Variants in ARHGEF18 observed in about 807,000 individuals in gnomAD.
The protein encoded by ARHGEF18 is rho guanine nucleotide exchange factor 18.
Under a neutral mutation model 155.7 loss-of-function variants are expected in ARHGEF18, and 93 were observed. That is an observed-to-expected ratio of 0.60 (90% confidence interval 0.50 to 0.71). The LOEUF is 0.71. ARHGEF18 is among the 30% of genes least tolerant of loss of function. The probability of loss-of-function intolerance (pLI) is 0.00; values close to 1 mark genes in which losing one functional copy is unlikely to be tolerated. For missense variants in ARHGEF18, 1,593 were observed against 1,816.1 expected (o/e 0.88, Z 2.23); for synonymous variants, 742 against 753.1 (o/e 0.99, Z 0.24).
intron 1 of ARHGEF18, among the ~76,000 whole-genome samples, chr19:7,359,049 C>T (rs1182175820): frequency 6.6e-6 from 1 of 152,086 alleles, no homozygotes; most frequent in Admixed American, 6.6e-5. Flanking sequence ...AGACAGAGCC[C>T]TCAGTTGCCA....
intron 1 of ARHGEF18, among the ~76,000 whole-genome samples, chr19:7,358,247 A>ATTCT (rs1969400900): frequency 7.1e-6 from 1 of 141,524 alleles, no homozygotes; most frequent in African/African-American, 3.1e-5. Flanking sequence ...CCATCCACCC[A>ATTCT]TCCACCCATT....
downstream of ARHGEF18, chr19:7,473,260 C>A (rs1171290967): frequency 6.6e-6 from 3 of 456,042 alleles, no homozygotes; most frequent in African/African-American, 6.0e-5. Context: ...TAAAGTCGAT[C>A]ACTAGCTCAC....
At chr19:7,416,605 G>T (rs1444802152) in intron 10 of ARHGEF18, among the ~76,000 whole-genome samples, 46 of 90,452 alleles carry the variant, frequency 5.1e-4, no homozygotes, top group South Asian at 4.0e-4. Flanking sequence ...TTTTATTTGG[G>T]TTTTTTTTTT....
At chr19:7,474,943 G>A (rs944951920), downstream of ARHGEF18, among the ~76,000 whole-genome samples, 22 of 152,178 alleles carry the variant, frequency 1.4e-4, no homozygotes, top group African/African-American at 5.3e-4. Context: ...TGCAAAGAGG[G>A]CCTGTAGTGG....
intron 10 of ARHGEF18, among the ~76,000 whole-genome samples, chr19:7,386,201 G>C (rs1022102693): frequency 1.4e-5 from 2 of 139,142 alleles, no homozygotes; most frequent in Non-Finnish European, 1.6e-5. Flanking sequence ...TAACATTTTC[G>C]TTTGTTTGTA....
intron 10 of ARHGEF18, among the ~76,000 whole-genome samples, chr19:7,425,816 A>G (rs1198575385): frequency 6.6e-6 from 1 of 152,130 alleles, no homozygotes; most frequent in African/African-American, 2.4e-5. Context: ...CCTGGGCAAC[A>G]TAGCAACACC....
rs139891352 is a variant in ARHGEF18, at chr19:7,379,533, T to G, written c.644+367T>G. ...GAGACTGCACCATTGTACTCCAGCCTGGGCAACACAGTGAAACTCTGTCTC... is the reference window on the plus strand; with the variant it reads ...GAGACTGCACCATTGTACTCCAGCCGGGGCAACACAGTGAAACTCTGTCTC... On this transcript the variant is annotated intron_variant, in intron 7 of 28. Transcript: ENST00000668164. Among the ~76,000 whole-genome samples, 783 of 152,262 alleles carry G rather than the reference T, an allele frequency of 5.1e-3. 5 individuals are homozygous for G. Among genetic ancestry groups the G allele is most frequent in the African/African-American group, 0.016 (670 of 41,546 alleles).
chr19:7,410,809 CAAA>C (rs58022667), intron 10 of ARHGEF18, among the ~76,000 whole-genome samples: 5 of 82,302 alleles, frequency 6.1e-5, no homozygotes, highest in East Asian at 4.5e-4. Flanking sequence ...GACTCCATCT[CAAA>C]AAAAAAAAAA....
intron 10 of ARHGEF18, among the ~76,000 whole-genome samples, chr19:7,388,121 G>A (rs79076630): frequency 0.015 from 2,279 of 152,186 alleles, 43 homozygotes; most frequent in Non-Finnish European, 0.024. Flanking sequence ...TGAGCAATGA[G>A]AGTTCCAACA....
At position 7,445,830 on chromosome 19, in the gene ARHGEF18, C is replaced by T. The variant is rs561341989; in HGVS notation, c.1612-1213C>T. On this transcript the variant is annotated intron_variant, in intron 14 of 28. Coordinates refer to ENST00000668164, the MANE Select transcript of ARHGEF18 (RefSeq NM_001367823.1). ...TAGAGACAGGGTTTCACCATGTTGG[C>T]CAGGCTGGTCTTGAACTCTTGACCT... Among the ~76,000 whole-genome samples the T allele has an allele frequency of 1.1e-3, 169 of 152,102 alleles. 1 individual carries two copies. Among genetic ancestry groups the T allele is most frequent in the African/African-American group, 4.0e-3 (165 of 41,516 alleles).
In ARHGEF18 at chr19:7,470,719, G is replaced by A. The variant is rs560755547; in HGVS notation, c.*421G>A. ...TTGCTTTGAGAAGGAGCTGCCGGCC[G>A]GGGCCACGCTCCACAGCCGCCGCGC... On this transcript the variant is annotated 3_prime_UTR_variant, in exon 29 of 29. Transcript: ENST00000668164. This position sits in a 1 kb window ranked among gnomAD's most constrained non-coding sequence, Gnocchi z 5.9. 19 of 400,316 alleles carry A rather than the reference G, an allele frequency of 4.7e-5. No homozygotes were observed. The highest frequency in any genetic ancestry group is 2.5e-4 in the African/African-American group (12 of 48,778). The allele number at this position is 400,316 out of a possible 1,614,324, so 24.8% of individuals were successfully genotyped here.
intron 19 of ARHGEF18, among the ~76,000 whole-genome samples, chr19:7,459,114 G>A (rs780487093): frequency 8.6e-5 from 13 of 151,682 alleles, no homozygotes; most frequent in Non-Finnish European, 1.3e-4. Context: ...ATGCAATCTC[G>A]GCTCACTGCA....
chr19:7,467,271 C>G lies in ARHGEF18; in HGVS notation c.3067C>G (p.Arg1023Gly), dbSNP rs1389760194. ...GACGCAGCGGGCTGCCATCCAGGAG[C>G]GGGAGAAGCAGTTCCGGCTGCAGTC... Reference protein sequence around the residue: ...VETQRAAIQEREKQFRLQSTR... With the variant: ...VETQRAAIQEGEKQFRLQSTR... The change falls in exon 26 of 29, where the codon CGG (arginine) becomes GGG (glycine). Residue 1023 changes from arginine to glycine, a missense_variant. By Grantham distance (125) the Arg-to-Gly change is moderately radical. Transcript: ENST00000668164. 6.4e-7 allele frequency: 1 copy of G among 1,558,300 alleles called. No homozygotes were observed. The highest frequency in any genetic ancestry group is 8.7e-7 in the Non-Finnish European group (1 of 1,154,350).
At chr19:7,477,714 CAG>C in the ARHGEF18 span, among the ~76,000 whole-genome samples, 2 of 152,326 alleles carry the variant, frequency 1.3e-5, no homozygotes, top group South Asian at 4.1e-4. Context: ...TTGTGAAAAA[CAG>C]AAAGCACAAA....
chr19:7,446,850 C>G (rs189958289), intron 14 of ARHGEF18, among the ~76,000 whole-genome samples, 193 bp from the exon 15 acceptor site: 1 of 148,900 alleles, frequency 6.7e-6, no homozygotes, highest in East Asian at 2.0e-4. Context: ...GAGCCAAGAT[C>G]GCGCCATTGC....
At chr19:7,358,257 T>TCCACC (rs1568261601) in intron 1 of ARHGEF18, among the ~76,000 whole-genome samples, 4 of 24,662 alleles carry the variant, frequency 1.6e-4, no homozygotes, top group Non-Finnish European at 2.3e-4. Context: ...ATCCACCCAT[T>TCCACC]CTTCCATCCA....
intron 2 of ARHGEF18, among the ~76,000 whole-genome samples, chr19:7,367,840 T>TACATATATATA (rs71177201): frequency 2.9e-5 from 1 of 34,408 alleles, no homozygotes; most frequent in African/African-American, 9.4e-5. Flanking sequence ...CATATATATA[T>TACATATATATA]TTTATATATA....
intron 1 of ARHGEF18, among the ~76,000 whole-genome samples, chr19:7,351,310 T>TTTGTTTGA (rs1423399430): frequency 8.1e-6 from 1 of 123,914 alleles, no homozygotes; most frequent in East Asian, 2.2e-4. Context: ...ACTTCTTTTG[T>TTTGTTTGA]TTGTTTGTTT....
intron 23 of ARHGEF18, among the ~76,000 whole-genome samples, chr19:7,465,813 C>T (rs991066954): frequency 2.0e-5 from 3 of 152,106 alleles, no homozygotes; most frequent in African/African-American, 2.4e-5. Context: ...TGGCTGGGTG[C>T]GGTGGCTCAT....
Sources: allele counts gnomAD v4.1 joint callset (sites outside exome capture counted in the v4.1 genomes callset), GRCh38; gene constraint gnomAD v4.1.1; non-coding constraint Gnocchi (gnomAD v3.1); transcripts MANE v1.5; gene names NCBI Gene and HGNC (gene_info 2026-07-23, HGNC 2026-07-21).